DYNC1I1: variants seen among roughly 807,000 people sequenced by gnomAD.
DYNC1I1 encodes the protein cytoplasmic dynein 1 intermediate chain 1.
DYNC1I1 carries 43 observed loss-of-function variants against 86.6 expected under a neutral mutation model. That is an observed-to-expected ratio of 0.50 (90% CI 0.39 to 0.64). The LOEUF is 0.64. Ranked by LOEUF, DYNC1I1 falls within the 30% of genes least tolerant of loss-of-function variation. The pLI is 0.00. For synonymous variants in DYNC1I1, 262 were observed against 283.7 expected (o/e 0.92, Z 0.77); for missense variants, 604 against 788.8 (o/e 0.77, Z 2.81).
chr7:96,023,233 C>T (rs1046066429), intron 10 of DYNC1I1, among the ~76,000 whole-genome samples: 10 of 152,148 alleles, frequency 6.6e-5, no homozygotes, highest in South Asian at 4.1e-4. Flanking sequence ...GGCAACAATA[C>T]GACCAGTCCC....
At chr7:96,038,877 C>T (rs1057080483) in intron 13 of DYNC1I1, among the ~76,000 whole-genome samples, 1 of 152,018 alleles carries the variant, frequency 6.6e-6, no homozygotes. Context: ...GGAGATAAAG[C>T]AGACCATGTG....
rs568547457 is a variant in DYNC1I1 at position 95,817,734 on chromosome 7, T to C, written c.314+4397T>C. Among the ~76,000 whole-genome samples the C allele has an allele frequency of 3.9e-5, 6 of 152,268 alleles. No individual in the cohort carries two copies. In the South Asian group the frequency reaches 1.0e-3, roughly 26 times the overall value. ...GTAATCCATGCCCCTACAGACCACA[T>C]TCTGGGTTGCCCACTCCTTACTCAC... On this transcript the variant is annotated intron_variant, in intron 4 of 16. Coordinates refer to ENST00000447467, the MANE Select transcript of DYNC1I1 (RefSeq NM_001135556.2).
At chr7:95,791,954 G>A (rs181416044) in intron 1 of DYNC1I1, among the ~76,000 whole-genome samples, 3 of 152,230 alleles carry the variant, frequency 2.0e-5, no homozygotes, top group Admixed American at 6.5e-5. Flanking sequence ...TCTGATTTTC[G>A]TCCTTTAAAA....
intron 9 of DYNC1I1, 90 bp from the exon 10 acceptor site, chr7:95,995,858 G>A (rs1013649045): frequency 3.3e-6 from 5 of 1,499,054 alleles, no homozygotes; most frequent in Non-Finnish European, 4.5e-6. Context: ...CATTTACACT[G>A]TGTAGTATAC....
chr7:95,961,425 A>C (rs1490670676), intron 6 of DYNC1I1, among the ~76,000 whole-genome samples: 1 of 152,210 alleles, frequency 6.6e-6, no homozygotes, highest in East Asian at 1.9e-4. Flanking sequence ...CTAGTTTTTT[A>C]TTTAATTTGC....
chr7:96,004,578 T>A (rs571590875), intron 10 of DYNC1I1, among the ~76,000 whole-genome samples: 1 of 152,036 alleles, frequency 6.6e-6, no homozygotes, highest in African/African-American at 2.4e-5. Context: ...ATAAATATAG[T>A]CTTCTGAAAA....
At chr7:95,952,588 C>T (rs1792589462) in intron 6 of DYNC1I1, among the ~76,000 whole-genome samples, 1 of 152,172 alleles carries the variant, frequency 6.6e-6, no homozygotes, top group African/African-American at 2.4e-5. Flanking sequence ...CTTCAACCAG[C>T]CCAAGGGTGC....
chr7:95,929,713 A>G (rs1791841504), intron 6 of DYNC1I1, among the ~76,000 whole-genome samples: 1 of 152,196 alleles, frequency 6.6e-6, no homozygotes, highest in African/African-American at 2.4e-5. Context: ...CCACTACATC[A>G]TAGATTAGTT....
intron 10 of DYNC1I1, among the ~76,000 whole-genome samples, chr7:96,023,498 G>A (rs966972132): frequency 2.6e-5 from 4 of 152,154 alleles, no homozygotes; most frequent in African/African-American, 4.8e-5. Context: ...AGCTGGCCTG[G>A]ATTAGCTCCA....
At chr7:96,060,782 C>T (rs888690058) in intron 14 of DYNC1I1, among the ~76,000 whole-genome samples, 1 of 151,832 alleles carries the variant, frequency 6.6e-6, no homozygotes, top group African/African-American at 2.4e-5. Context: ...TTTGCTGGAA[C>T]CTAAAACTGC....
intron 14 of DYNC1I1, among the ~76,000 whole-genome samples, chr7:96,066,218 C>T (rs1472323564): frequency 6.6e-6 from 1 of 152,128 alleles, no homozygotes; most frequent in African/African-American, 2.4e-5. Flanking sequence ...ATGTTTTGCT[C>T]TCCTCTTCTT....
At chr7:95,813,463 G>A (rs1263413602) in intron 4 of DYNC1I1, 126 bp downstream of exon 4, 20 of 1,227,318 alleles carry the variant, frequency 1.6e-5, no homozygotes, top group African/African-American at 1.5e-5. Flanking sequence ...GACATCTTAT[G>A]TTTAAATTTA....
At chr7:95,811,250 C>T (rs1794824063) in intron 3 of DYNC1I1, among the ~76,000 whole-genome samples, 1 of 151,910 alleles carries the variant, frequency 6.6e-6, no homozygotes, top group Non-Finnish European at 1.5e-5. Flanking sequence ...TTTCTTTTAT[C>T]CTTTTGTTTT....
Position 95,971,282 on chromosome 7 carries a change from C to G in DYNC1I1, c.491-6230C>G, listed in dbSNP as rs73708435. ...AGATAAAATGAGACAAAAGGCATTA[C>G]GCAAAAAGATGAAACCAAAGCCAGA... On this transcript the variant is annotated intron_variant, in intron 6 of 16. Transcript: ENST00000447467. Among the ~76,000 whole-genome samples the G allele has an allele frequency of 9.0e-3, 1,365 of 152,176 alleles. 16 individuals carry two copies. Among genetic ancestry groups the G allele is most frequent in the African/African-American group, 0.03 (1,250 of 41,502 alleles).
chr7:95,946,274 C>T (rs1397395298), intron 6 of DYNC1I1, among the ~76,000 whole-genome samples: 1 of 151,628 alleles, frequency 6.6e-6, no homozygotes, highest in African/African-American at 2.4e-5. Context: ...CACAAACCTG[C>T]ACATCCTCCA....
chr7:96,050,013 C>T (rs1268953013), intron 14 of DYNC1I1, among the ~76,000 whole-genome samples: 4 of 148,098 alleles, frequency 2.7e-5, no homozygotes, highest in African/African-American at 1.0e-4. Context: ...CAGAGAGAGA[C>T]TCCATCTCAA....
chr7:96,060,314 A>G (rs2116162450), intron 14 of DYNC1I1, among the ~76,000 whole-genome samples: 2 of 152,322 alleles, frequency 1.3e-5, no homozygotes, highest in Non-Finnish European at 2.9e-5. Context: ...AAGACACTCC[A>G]GCAGGCCTGA....
rs114354850 is a variant in DYNC1I1, at chr7:95,801,046, A to G, written c.-9-3675A>G. ...AAGTCTCGTTCATTCACTATAATGT[A>G]TACTTTCCAAACCCTTTATGAGGCA... On this transcript the variant is annotated intron_variant, in intron 1 of 16. Transcript: ENST00000447467. Among the ~76,000 whole-genome samples the G allele has an allele frequency of 6.3e-3, 958 of 152,346 alleles. 9 individuals carry two copies. The highest frequency in any genetic ancestry group is 0.022 in the African/African-American group (902 of 41,572).
chr7:96,054,736 T>C (rs1051184112), intron 14 of DYNC1I1, among the ~76,000 whole-genome samples: 4 of 152,256 alleles, frequency 2.6e-5, no homozygotes, highest in Non-Finnish European at 5.9e-5. Flanking sequence ...GGTGAGCTTT[T>C]TTTCATGTTT....
Sources: allele counts gnomAD v4.1 joint callset (sites outside exome capture counted in the v4.1 genomes callset), GRCh38; gene constraint gnomAD v4.1.1; transcripts MANE v1.5; gene names NCBI Gene and HGNC (gene_info 2026-07-23, HGNC 2026-07-21).